Variants in LRRC3B observed in about 807,000 individuals in gnomAD.
LRRC3B encodes the protein leucine rich repeat containing 3B.
LRRC3B carries 2 observed loss-of-function variants against 12.8 expected under a neutral mutation model. The observed-to-expected ratio is 0.16, with a 90% CI of 0.06 to 0.49. LRRC3B has a LOEUF of 0.49. Ranked by LOEUF, LRRC3B falls within the 20% of genes least tolerant of loss-of-function variation. The pLI, the probability that LRRC3B is intolerant of heterozygous loss-of-function variation, is 0.96. For missense variants in LRRC3B, 189 were observed against 319.4 expected, an observed-to-expected ratio of 0.59 and a Z score of 3.11; for synonymous variants, 132 against 122.0, an observed-to-expected ratio of 1.08 and a Z score of -0.54.
At chr3:26,631,233 G>A (rs1698751180) in intron 1 of LRRC3B, among the ~76,000 whole-genome samples, 1 of 152,128 alleles carries the variant, frequency 6.6e-6, no homozygotes, top group Non-Finnish European at 1.5e-5. Flanking sequence ...TTAGCTCCCA[G>A]TGGCCCCCTT....
At chr3:26,672,167 A>G (rs1355471639) in intron 1 of LRRC3B, among the ~76,000 whole-genome samples, 1 of 152,210 alleles carries the variant, frequency 6.6e-6, no homozygotes, top group Admixed American at 6.5e-5. Flanking sequence ...TGAAGAAAAT[A>G]GTTTTGATTT....
chr3:26,693,869 C>CAGAGT (rs1241005861), intron 1 of LRRC3B, among the ~76,000 whole-genome samples: 1 of 152,096 alleles, frequency 6.6e-6, no homozygotes, highest in Non-Finnish European at 1.5e-5. Flanking sequence ...GAGGAAATAG[C>CAGAGT]AGAGTATAAA....
chr3:26,706,002 T>C (rs770120470), intron 1 of LRRC3B, among the ~76,000 whole-genome samples: 39 of 152,164 alleles, frequency 2.6e-4, no homozygotes, highest in Non-Finnish European at 5.3e-4. Flanking sequence ...TTTGCACTGC[T>C]AAAGCAATAG....
intron 1 of LRRC3B, among the ~76,000 whole-genome samples, chr3:26,654,008 C>A (rs894709392): frequency 1.3e-5 from 2 of 152,056 alleles, no homozygotes; most frequent in African/African-American, 4.8e-5. Flanking sequence ...CTGTGTGATA[C>A]ATTTCCTAGA....
At chr3:26,622,940 C>G (rs1342448668) in exon 1 of LRRC3B, 2 of 151,884 alleles carry the variant, frequency 1.3e-5, no homozygotes, top group Non-Finnish European at 1.5e-5. Context: ...CCAAGTCGTG[C>G]CCCGCACGGC....
At chr3:26,691,294 A>G (rs1700189697) in intron 1 of LRRC3B, among the ~76,000 whole-genome samples, 2 of 151,946 alleles carry the variant, frequency 1.3e-5, no homozygotes, top group East Asian at 1.9e-4. Context: ...GGGATGATTT[A>G]TACACTACTT....
At chr3:26,688,595 A>G (rs1700132091) in intron 1 of LRRC3B, among the ~76,000 whole-genome samples, 2 of 152,184 alleles carry the variant, frequency 1.3e-5, no homozygotes, top group Admixed American at 1.3e-4. Flanking sequence ...TTACATGGCC[A>G]GAGCAGGAAG....
chr3:26,623,288 G>C (rs1217697681), intron 1 of LRRC3B, 51 bp downstream of exon 1: 1 of 152,420 alleles, frequency 6.6e-6, no homozygotes, highest in African/African-American at 2.4e-5. Flanking sequence ...TCATCCCTCT[G>C]CCCGGGTACC....
At chr3:26,637,976 T>C (rs1327548309) in intron 1 of LRRC3B, among the ~76,000 whole-genome samples, 1 of 152,252 alleles carries the variant, frequency 6.6e-6, no homozygotes, top group Non-Finnish European at 1.5e-5. Flanking sequence ...AATAGTAAGT[T>C]ATGAAGAATC....
intron 1 of LRRC3B, among the ~76,000 whole-genome samples, chr3:26,675,659 A>G (rs1210411931): frequency 2.0e-5 from 3 of 152,230 alleles, no homozygotes; most frequent in African/African-American, 4.8e-5. Flanking sequence ...TGTTGAATAT[A>G]TATGCATATA....
intron 1 of LRRC3B, among the ~76,000 whole-genome samples, chr3:26,674,428 G>A (rs1044838005): frequency 1.3e-5 from 2 of 152,142 alleles, no homozygotes; most frequent in African/African-American, 4.8e-5. Flanking sequence ...TTGGTATTAT[G>A]CAAATGACTT....
chr3:26,661,363 G>T (rs1365569754), intron 1 of LRRC3B, among the ~76,000 whole-genome samples: 1 of 152,170 alleles, frequency 6.6e-6, no homozygotes, highest in African/African-American at 2.4e-5. Context: ...TAAATTGGGA[G>T]AATGCTAATA....
intron 1 of LRRC3B, among the ~76,000 whole-genome samples, chr3:26,673,697 C>A (rs1699800068): frequency 6.6e-6 from 1 of 152,202 alleles, no homozygotes; most frequent in Non-Finnish European, 1.5e-5. Flanking sequence ...CTTACTGTGT[C>A]ATATGCCCTG....
At chr3:26,644,579 A>G (rs975459246) in intron 1 of LRRC3B, among the ~76,000 whole-genome samples, 1 of 152,210 alleles carries the variant, frequency 6.6e-6, no homozygotes. Flanking sequence ...CATGCTGGAG[A>G]ACAGTTCTAA....
intron 1 of LRRC3B, among the ~76,000 whole-genome samples, chr3:26,673,793 TC>T (rs1477661822): frequency 6.6e-6 from 1 of 152,066 alleles, no homozygotes. Context: ...CTGCACAAAA[TC>T]AGTCAGCTCT....
At chr3:26,709,415 C>T in intron 1 of LRRC3B, 98 bp from the exon 2 acceptor site, 2 of 496,650 alleles carry the variant, frequency 4.0e-6, no homozygotes, top group Admixed American at 3.4e-5. Flanking sequence ...AACTAACCCC[C>T]CTGCTCAAGC....
At position 26,654,301 on chromosome 3, in the gene LRRC3B, G is replaced by A. The variant is rs938245310; in HGVS notation, c.-161+31064G>A. Among the ~76,000 whole-genome samples the A allele has an allele frequency of 3.9e-5, 6 of 152,318 alleles. No homozygotes were observed. In the East Asian group the frequency reaches 9.6e-4, roughly 24 times the overall value. On this transcript the variant is annotated intron_variant, in intron 1 of 1. Transcript: ENST00000396641. ...CAGTGGGGCTTAGAGAAGATTGTGA[G>A]CATGTGTAGCAATGCTTCTCAAGTT...
chr3:26,686,040 C>T (rs1158900341), intron 1 of LRRC3B, among the ~76,000 whole-genome samples: 8 of 152,128 alleles, frequency 5.3e-5, no homozygotes, highest in Non-Finnish European at 8.8e-5. Flanking sequence ...TTCATATAGA[C>T]TATACCCCTT....
intron 1 of LRRC3B, among the ~76,000 whole-genome samples, chr3:26,685,401 A>G (rs1441573035): frequency 5.4e-5 from 8 of 148,768 alleles, no homozygotes; most frequent in Non-Finnish European, 8.9e-5. Flanking sequence ...TCTTACTAGT[A>G]TGTGACCAAG....
Sources: allele counts gnomAD v4.1 joint callset (sites outside exome capture counted in the v4.1 genomes callset), GRCh38; gene constraint gnomAD v4.1.1; transcripts MANE v1.5; gene names NCBI Gene and HGNC (gene_info 2026-07-23, HGNC 2026-07-21).